Variants in CPAMD8 observed in about 807,000 individuals in gnomAD.
The protein encoded by CPAMD8 is C3 and PZP like alpha-2-macroglobulin domain containing 8.
Under a neutral mutation model 224.7 loss-of-function variants are expected in CPAMD8, and 146 were observed. That is an observed-to-expected ratio of 0.65 (90% CI 0.57 to 0.75). The LOEUF (loss-of-function observed/expected upper bound fraction) is 0.75, where lower values mean the gene tolerates loss of function less well. CPAMD8 is among the 30% of genes least tolerant of loss of function. The probability of loss-of-function intolerance (pLI) is 0.00; values close to 1 mark genes in which losing one functional copy is unlikely to be tolerated. For synonymous variants in CPAMD8, 966 were observed against 1,044.6 expected (o/e 0.92, Z 1.45); for missense variants, 2,301 against 2,537.5 (o/e 0.91, Z 2.00).
chr19:16,948,968 A>C (rs1379439844), intron 20 of CPAMD8, among the ~76,000 whole-genome samples: 1 of 109,306 alleles, frequency 9.1e-6, no homozygotes, highest in Admixed American at 9.5e-5. Context: ...GGGGGAGGGG[A>C]AGGGAAGGGA....
chr19:16,895,023 G>T, intron 41 of CPAMD8: 1 of 159,044 alleles, frequency 6.3e-6, no homozygotes, highest in South Asian at 1.9e-4. Flanking sequence ...TGAGGCAAGA[G>T]GATCACTTGA....
intron 18 of CPAMD8, among the ~76,000 whole-genome samples, chr19:16,970,162 C>T (rs1437777821): frequency 1.4e-5 from 2 of 144,686 alleles, no homozygotes; most frequent in Non-Finnish European, 3.0e-5. Context: ...TGGCGTGAAC[C>T]TGGGAGGCGG....
At chr19:16,897,857 G>A in intron 38 of CPAMD8, 32 bp downstream of exon 38, 2 of 1,580,198 alleles carry the variant, frequency 1.3e-6, no homozygotes, top group Non-Finnish European at 8.6e-7. Flanking sequence ...CAGGGACCGG[G>A]CCGGGCCGGG....
chr19:16,958,088 GGTTAACA>G lies in CPAMD8; in HGVS notation c.2214-180_2214-174del, dbSNP rs137928481. ...ACATGTTAATTCTCTTACCTGGCAG[GGTTAACA>G]GTCTACTTGATTAGGACATAACTTG... On this transcript the variant is annotated intron_variant, in intron 18 of 41. Coordinates refer to ENST00000443236, the MANE Select transcript of CPAMD8 (RefSeq NM_015692.5). Among the ~76,000 whole-genome samples, 2,628 of 152,130 alleles carry G rather than the reference GGTTAACA, an allele frequency of 0.017. 56 individuals are homozygous for G. The highest frequency in any genetic ancestry group is 0.059 in the African/African-American group (2,455 of 41,474).
chr19:16,939,413 T>G (rs2053810486), intron 22 of CPAMD8, among the ~76,000 whole-genome samples: 1 of 152,096 alleles, frequency 6.6e-6, no homozygotes, highest in Non-Finnish European at 1.5e-5. Context: ...TTTGCCATGT[T>G]GGCCAGGCTA....
At chr19:16,951,866 C>A in intron 20 of CPAMD8, 103 bp downstream of exon 20, 2 of 743,048 alleles carry the variant, frequency 2.7e-6, no homozygotes, top group Non-Finnish European at 2.3e-6. Flanking sequence ...CCTCCTAAAT[C>A]CCCCAAGCTG....
At position 17,026,566 on chromosome 19, in the gene CPAMD8, G is replaced by A. The variant is rs779616561; in HGVS notation, c.77C>T (p.Ala26Val). Reference sequence around the variant, plus strand: ...GGATACTCACGGGGCCTGAGGCTGCGCGGCGCGCACGCCGTCCCGCGCCGA... The same window carrying A: ...GGATACTCACGGGGCCTGAGGCTGCACGGCGCGCACGCCGTCCCGCGCCGA... The part of the protein sequence containing the change: ...LLSARDGVRA[A>V]QPQAPGYLIA... Residue 26 changes from alanine to valine, a missense_variant, in exon 1 of 42, where the codon GCG becomes GTG. By Grantham distance (64) the Ala-to-Val change is moderately conservative. This residue lies in a region of CPAMD8 where 283 missense variants were observed against 340.6 expected (regional missense o/e 0.83). Coordinates refer to ENST00000443236, the MANE Select transcript of CPAMD8 (RefSeq NM_015692.5). 6.0e-5 allele frequency: 92 copies of A among 1,526,954 alleles called. No individual in the cohort carries two copies. Among genetic ancestry groups the A allele is most frequent in the Non-Finnish European group, 6.7e-5 (77 of 1,146,262 alleles). 94.6% of individuals were successfully genotyped at this position (1,526,954 alleles called of 1,614,324 possible).
Position 16,896,242 on chromosome 19 carries a change from T to C in CPAMD8, c.5360A>G (p.Lys1787Arg), listed in dbSNP as rs1568443136. 2.5e-6 allele frequency: 4 copies of C among 1,613,688 alleles called. No homozygotes were observed. ...CACCTCAAGGCCGGCTCCATTCAGC[T>C]TCACGTCCTGCTGTAAAGGCCCCGG... ...VAPGPLQQDV[K>R]LNGAGLEVED... The change falls in exon 41 of 42, where the codon AAG becomes AGG. Residue 1787 changes from lysine (K) to arginine (R), a missense_variant. By Grantham distance (26) the Lys-to-Arg change is conservative. Coordinates refer to ENST00000443236, the MANE Select transcript of CPAMD8 (RefSeq NM_015692.5).
Position 16,901,006 on chromosome 19 carries a change from C to A in CPAMD8, c.4773+204G>T, listed in dbSNP as rs187341129. Among the ~76,000 whole-genome samples, 708 of 117,576 alleles carry A rather than the reference C, an allele frequency of 6.0e-3. 5 individuals are homozygous for A. The highest frequency in any genetic ancestry group is 0.039 in the South Asian group (142 of 3,680). The allele number at this position is 117,576 out of a possible 152,430, so 77.1% of individuals were successfully genotyped here. The stretch of plus-strand genomic sequence containing the variant: ...TTACACTGTAGCCTGGGCAACAGAG[C>A]AAGACTATGTCAAAAAAAAGAAAGA... On this transcript the variant is annotated intron_variant, in intron 36 of 41. Transcript: ENST00000443236.
chr19:16,948,868 A>AAAGGGAAGGGAAGGGAAGGGAAGGG (rs764171792), intron 20 of CPAMD8, among the ~76,000 whole-genome samples: 2 of 29,050 alleles, frequency 6.9e-5, no homozygotes, highest in Non-Finnish European at 1.2e-4. Flanking sequence ...GAGGGAAAGG[A>AAAGGGAAGGGAAGGGAAGGGAAGGG]AAGGGAAGGG....
intron 14 of CPAMD8, among the ~76,000 whole-genome samples, chr19:16,978,743 A>C (rs2055372595): frequency 6.6e-6 from 1 of 152,058 alleles, no homozygotes. Context: ...CTGTCTGTCT[A>C]TCTATCCATC....
Position 16,897,591 on chromosome 19 carries a change from C to G in CPAMD8, c.5065+100G>C, listed in dbSNP as rs1184345272. On this transcript the variant is annotated intron_variant, in intron 39 of 41. Coordinates refer to ENST00000443236, the MANE Select transcript of CPAMD8 (RefSeq NM_015692.5). ...TTCTCCTGACTTTACGTTGGCCCCT[C>G]CTCTGCCAAGCCCCCAGGGGAGCCC... The G allele has an allele frequency of 2.7e-5, 18 of 657,072 alleles. No homozygotes were observed. In the East Asian group the frequency reaches 5.5e-4, roughly 20 times the overall value. The allele number at this position is 657,072 out of a possible 1,614,324, so 40.7% of individuals were successfully genotyped here.
At chr19:16,941,418 A>C (rs2053884810) in intron 22 of CPAMD8, among the ~76,000 whole-genome samples, 1 of 152,178 alleles carries the variant, frequency 6.6e-6, no homozygotes, top group African/African-American at 2.4e-5. Flanking sequence ...GAGTGAGAGA[A>C]GCCAGACTCA....
chr19:16,994,151 T>C (rs1299717124), intron 11 of CPAMD8, among the ~76,000 whole-genome samples: 2 of 152,128 alleles, frequency 1.3e-5, no homozygotes, highest in African/African-American at 4.8e-5. Flanking sequence ...CCTCACACCA[T>C]ATACAAAAAT....
rs771031944 is a variant in CPAMD8, at chr19:16,957,830, G to A, written c.2276+23C>T. 12 of 1,612,800 alleles carry A rather than the reference G, an allele frequency of 7.4e-6. No individual in the cohort carries two copies. The Middle Eastern group carries it at 8.2e-4, about 110-fold the overall frequency. ...CTTTCACTCAACCGGCAAAGTCAGC[G>A]CAGAAAAGAAATCTTAATGTACCTG... On this transcript the variant is annotated intron_variant, in intron 19 of 41. Coordinates refer to ENST00000443236, the MANE Select transcript of CPAMD8 (RefSeq NM_015692.5).
At chr19:16,907,419 C>T (rs1158439526) in intron 29 of CPAMD8, 3 of 183,496 alleles carry the variant, frequency 1.6e-5, no homozygotes, top group Admixed American at 5.8e-5. Flanking sequence ...ACCACCCTGG[C>T]CAACATGGTG....
rs201143694 is a variant in CPAMD8, at chr19:16,906,284, TCTCC to T, written c.4027+664_4027+667del. Among the ~76,000 whole-genome samples, 614 of 151,170 alleles carry T rather than the reference TCTCC, an allele frequency of 4.1e-3. 2 individuals are homozygous for T. The highest frequency in any genetic ancestry group is 5.2e-3 in the Non-Finnish European group (352 of 67,818). ...TCTCCTTCCTTCCTTCCTTTCTTCCTCTCCCTCCCTCCCTCCCTCTCTCTCTTCT... is the reference window on the plus strand; with the variant it reads ...TCTCCTTCCTTCCTTCCTTTCTTCCTCTCCCTCCCTCCCTCTCTCTCTTCT... On this transcript the variant is annotated intron_variant, in intron 30 of 41. Transcript: ENST00000443236.
At chr19:16,924,558 C>A (rs751346287) in intron 26 of CPAMD8, among the ~76,000 whole-genome samples, 1 of 152,090 alleles carries the variant, frequency 6.6e-6, no homozygotes, top group African/African-American at 2.4e-5. Flanking sequence ...CCTAGAGCAA[C>A]CCCTGACTGT....
At chr19:16,902,597 C>G in intron 35 of CPAMD8, 52 bp downstream of exon 35, 1 of 1,197,788 alleles carries the variant, frequency 8.3e-7, no homozygotes, top group Admixed American at 2.0e-5. Flanking sequence ...CCATCCTCTC[C>G]GCACATTGCA....
Sources: gnomAD v4.1 joint callset for allele counts (sites outside exome capture counted in the v4.1 genomes callset) on GRCh38, gnomAD v4.1.1 for gene constraint, gnomAD v4.1.1 regional missense constraint, MANE v1.5 for transcripts, NCBI Gene and HGNC (gene_info 2026-07-23, HGNC 2026-07-21) for gene names.